The following JAZF1 variants were observed in gnomAD, a reference collection of about 807,000 sequenced individuals.
JAZF1 encodes juxtaposed with another zinc finger protein 1.
Under a neutral mutation model 26.4 loss-of-function variants are expected in JAZF1, and 8 were observed. That is an observed-to-expected ratio of 0.30 (90% confidence interval 0.18 to 0.55). The LOEUF (loss-of-function observed/expected upper bound fraction) is 0.55, where lower values mean the gene tolerates loss of function less well. Among genes scored for constraint, JAZF1 ranks in the 20% least tolerant of loss-of-function variants. The pLI is 0.94. For missense variants in JAZF1, 199 were observed against 322.0 expected (o/e 0.62, Z 2.92); for synonymous variants, 126 against 122.3 (o/e 1.03, Z -0.20).
At chr7:28,047,335 A>G (rs73683952) in intron 1 of JAZF1, among the ~76,000 whole-genome samples, 3,358 of 152,170 alleles carry the variant, frequency 0.022, 109 homozygotes, top group African/African-American at 0.075. Flanking sequence ...ATTCTCCTGT[A>G]TGAACTTTAG....
At chr7:28,180,373 C>T (rs1338347279) in intron 1 of JAZF1, 90 bp downstream of exon 1, 6 of 1,011,560 alleles carry the variant, frequency 5.9e-6, no homozygotes, top group African/African-American at 1.7e-5. Context: ...GCCTCCCTCC[C>T]CGCCGGCCAC....
chr7:27,987,290 G>A (rs1373143200), intron 2 of JAZF1, among the ~76,000 whole-genome samples: 4 of 149,908 alleles, frequency 2.7e-5, no homozygotes, highest in Non-Finnish European at 5.9e-5. Context: ...TGTGAGGAGT[G>A]CCTCTGCCCG....
chr7:28,112,892 A>C (rs1355302295), intron 1 of JAZF1, among the ~76,000 whole-genome samples: 1 of 152,228 alleles, frequency 6.6e-6, no homozygotes, highest in East Asian at 1.9e-4. Context: ...CTTAAAAATG[A>C]TGATTCTGTA....
intron 2 of JAZF1, among the ~76,000 whole-genome samples, chr7:27,955,418 C>T (rs1344680454): frequency 6.6e-6 from 1 of 152,160 alleles, no homozygotes; most frequent in Admixed American, 6.5e-5. Context: ...AAACACTTAC[C>T]GTACTGAAGG....
At chr7:27,835,030 T>C (rs1782778197) in intron 4 of JAZF1, among the ~76,000 whole-genome samples, 1 of 152,150 alleles carries the variant, frequency 6.6e-6, no homozygotes, top group African/African-American at 2.4e-5. Flanking sequence ...GCTCAACGAA[T>C]ATTGAGCACC....
intron 1 of JAZF1, among the ~76,000 whole-genome samples, chr7:28,069,695 G>C (rs1783944297): frequency 6.6e-6 from 1 of 152,116 alleles, no homozygotes; most frequent in Non-Finnish European, 1.5e-5. Flanking sequence ...CAACCCTCTG[G>C]TTCACAGGCA....
intron 3 of JAZF1, among the ~76,000 whole-genome samples, chr7:27,866,307 C>T (rs1376211686): frequency 6.6e-6 from 1 of 152,210 alleles, no homozygotes; most frequent in Non-Finnish European, 1.5e-5. Context: ...ACGGCTTCAT[C>T]CTTCCATTAA....
rs181122063 is a variant in JAZF1 at position 28,070,314 on chromosome 7, C to T, written c.116-78333G>A. Among the ~76,000 whole-genome samples, 30 of 152,266 alleles carry T rather than the reference C, an allele frequency of 2.0e-4. No individual in the cohort carries two copies. The East Asian group carries it at 5.2e-3, about 26-fold the overall frequency. On this transcript the variant is annotated intron_variant, in intron 1 of 4. Transcript: ENST00000283928. ...TCACGAAAGTGATCTGATTGGTTCT[C>T]ATCCCTGAAAAAGCCAAATACTTGG...
chr7:28,130,811 A>C (rs1266346199), intron 1 of JAZF1, among the ~76,000 whole-genome samples: 1 of 152,132 alleles, frequency 6.6e-6, no homozygotes, highest in African/African-American at 2.4e-5. Flanking sequence ...CCCACACACA[A>C]TATTCCGCAA....
intron 3 of JAZF1, chr7:27,842,691 T>A (rs1388282038): frequency 6.6e-6 from 1 of 152,196 alleles, no homozygotes; most frequent in African/African-American, 2.4e-5. Flanking sequence ...AATCTGTTTT[T>A]AAGTAGGGCA....
intron 3 of JAZF1, among the ~76,000 whole-genome samples, chr7:27,877,866 A>G (rs1011610014): frequency 2.0e-5 from 3 of 152,042 alleles, no homozygotes; most frequent in Non-Finnish European, 4.4e-5. Flanking sequence ...CTCCACCTGC[A>G]TTTCACCCTG....
At chr7:27,917,776 G>GGATCT (rs1263943041) in intron 2 of JAZF1, among the ~76,000 whole-genome samples, 1 of 152,192 alleles carries the variant, frequency 6.6e-6, no homozygotes. Flanking sequence ...TCCCTGGAAG[G>GGATCT]TAAGCTGGAG....
chr7:27,842,573 G>C (rs980072812), intron 3 of JAZF1: 15 of 152,216 alleles, frequency 9.9e-5, no homozygotes, highest in African/African-American at 3.1e-4. Context: ...GCTGTACTTG[G>C]CCATAGCTCC....
At chr7:28,128,771 G>A (rs1211034110) in intron 1 of JAZF1, among the ~76,000 whole-genome samples, 1 of 152,074 alleles carries the variant, frequency 6.6e-6, no homozygotes, top group Non-Finnish European at 1.5e-5. Flanking sequence ...TCAATCAACA[G>A]GAAACCAAGG....
chr7:28,162,380 A>G (rs1783306293), intron 1 of JAZF1, among the ~76,000 whole-genome samples: 1 of 152,226 alleles, frequency 6.6e-6, no homozygotes, highest in African/African-American at 2.4e-5. Flanking sequence ...ACAGGAACAC[A>G]AAGTTTCATC....
intron 1 of JAZF1, among the ~76,000 whole-genome samples, chr7:28,034,204 G>GCA (rs376901507): frequency 0.013 from 2,006 of 151,060 alleles, 34 homozygotes; most frequent in Non-Finnish European, 0.021. Flanking sequence ...ACACACACAT[G>GCA]CACACACACA....
chr7:28,148,909 A>G (rs1195594042), intron 1 of JAZF1, among the ~76,000 whole-genome samples: 1 of 152,232 alleles, frequency 6.6e-6, no homozygotes, highest in Non-Finnish European at 1.5e-5. Flanking sequence ...CGGTTTACGC[A>G]GTCAGAAATG....
At chr7:27,914,057 A>G (rs1273859856) in intron 2 of JAZF1, among the ~76,000 whole-genome samples, 3 of 152,342 alleles carry the variant, frequency 2.0e-5, no homozygotes, top group South Asian at 2.1e-4. Flanking sequence ...GGGAGAACTG[A>G]GAGAGAACAA....
At chr7:27,918,452 A>G (rs1400387243) in intron 2 of JAZF1, among the ~76,000 whole-genome samples, 19 of 152,336 alleles carry the variant, frequency 1.2e-4, no homozygotes, top group Admixed American at 1.2e-3. Flanking sequence ...CTCACTGACT[A>G]TATCAGAGAC....
Sources: allele counts gnomAD v4.1 joint callset (sites outside exome capture counted in the v4.1 genomes callset), GRCh38; gene constraint gnomAD v4.1.1; transcripts MANE v1.5; gene names NCBI Gene and HGNC (gene_info 2026-07-23, HGNC 2026-07-21).